KCNN2: variants seen among roughly 807,000 people sequenced by gnomAD.
KCNN2 encodes small conductance calcium-activated potassium channel protein 2.
Under a neutral mutation model 55.5 loss-of-function variants are expected in KCNN2, and 24 were observed. That is an observed-to-expected ratio of 0.43 (90% confidence interval 0.31 to 0.61). KCNN2 has a LOEUF of 0.61. Ranked by LOEUF, KCNN2 falls within the 20% of genes least tolerant of loss-of-function variation. KCNN2 has a pLI of 0.08. For missense variants in KCNN2, 754 were observed against 853.6 expected (o/e 0.88, Z 1.45); for synonymous variants, 431 against 336.1 (o/e 1.28, Z -3.09).
At chr5:114,376,023 C>G (rs1757926507) in intron 2 of KCNN2, among the ~76,000 whole-genome samples, 1 of 128,950 alleles carries the variant, frequency 7.8e-6, no homozygotes, top group African/African-American at 2.9e-5. Context: ...TCTCTTTTAA[C>G]CTTTTTGACA....
intron 1 of KCNN2, among the ~76,000 whole-genome samples, chr5:114,140,277 A>G (rs1752250128): frequency 6.6e-6 from 1 of 152,226 alleles, no homozygotes; most frequent in Non-Finnish European, 1.5e-5. Flanking sequence ...TACGAGGTTT[A>G]TTATCAAGTA....
At chr5:114,350,148 A>T (rs1757181910) in intron 2 of KCNN2, among the ~76,000 whole-genome samples, 1 of 151,972 alleles carries the variant, frequency 6.6e-6, no homozygotes. Flanking sequence ...AGAATTGTAC[A>T]TATTTATAGG....
chr5:114,160,943 C>G (rs966247108), intron 1 of KCNN2, among the ~76,000 whole-genome samples: 54 of 152,206 alleles, frequency 3.5e-4, no homozygotes, highest in African/African-American at 1.2e-3. Flanking sequence ...ACTGATGGGT[C>G]TTGACTCTTT....
intron 2 of KCNN2, among the ~76,000 whole-genome samples, chr5:114,342,928 G>T (rs1318152409): frequency 6.6e-6 from 1 of 152,118 alleles, no homozygotes; most frequent in Non-Finnish European, 1.5e-5. Flanking sequence ...TGCCATGGTG[G>T]TTTGCCGTAC....
chr5:114,070,034 T>C (rs1426492918), intron 1 of KCNN2, among the ~76,000 whole-genome samples: 2 of 152,226 alleles, frequency 1.3e-5, no homozygotes. Context: ...TTACATCGCA[T>C]CCAGATACCT....
intron 1 of KCNN2, among the ~76,000 whole-genome samples, chr5:114,183,684 T>C (rs1753278740): frequency 6.6e-6 from 1 of 152,032 alleles, no homozygotes. Flanking sequence ...TCTGTATTTA[T>C]ATAAGTCCTT....
At chr5:114,194,531 T>G (rs1377313041) in intron 1 of KCNN2, among the ~76,000 whole-genome samples, 1 of 152,116 alleles carries the variant, frequency 6.6e-6, no homozygotes, top group East Asian at 1.9e-4. Context: ...TCTTTGCCTA[T>G]TTTTAAATTG....
intron 2 of KCNN2, among the ~76,000 whole-genome samples, chr5:114,267,702 A>G (rs1365501767): frequency 6.6e-6 from 1 of 152,198 alleles, no homozygotes; most frequent in Non-Finnish European, 1.5e-5. Flanking sequence ...TTATTTTCCC[A>G]GAGGAAAATA....
chr5:114,475,630 A>C (rs1447463855), intron 5 of KCNN2, among the ~76,000 whole-genome samples: 1 of 151,952 alleles, frequency 6.6e-6, no homozygotes, highest in African/African-American at 2.4e-5. Context: ...TATTCCAAAG[A>C]TTTTAAGCTT....
chr5:114,249,658 C>A (rs1754819599), intron 2 of KCNN2, among the ~76,000 whole-genome samples: 1 of 148,194 alleles, frequency 6.7e-6, no homozygotes, highest in Admixed American at 6.7e-5. Flanking sequence ...AAAATAAATC[C>A]AAACTATTAA....
At chr5:114,485,251 C>A (rs1762394250) in intron 5 of KCNN2, among the ~76,000 whole-genome samples, 1 of 152,124 alleles carries the variant, frequency 6.6e-6, no homozygotes. Context: ...CTAGGCTTCT[C>A]CTCTATGCCT....
At chr5:114,072,778 C>T (rs888476495) in intron 1 of KCNN2, among the ~76,000 whole-genome samples, 2 of 152,076 alleles carry the variant, frequency 1.3e-5, no homozygotes, top group Non-Finnish European at 2.9e-5. Flanking sequence ...TTTCTCTGTG[C>T]CTCAGTTTAT....
intron 1 of KCNN2, among the ~76,000 whole-genome samples, chr5:114,142,056 A>C (rs1466906435): frequency 6.6e-6 from 1 of 152,098 alleles, no homozygotes; most frequent in Non-Finnish European, 1.5e-5. Context: ...AGTAGATTGC[A>C]AAAAATTTCT....
intron 1 of KCNN2, among the ~76,000 whole-genome samples, chr5:114,202,691 A>G (rs903663011): frequency 1.4e-5 from 2 of 146,884 alleles, no homozygotes; most frequent in Non-Finnish European, 3.0e-5. Flanking sequence ...GGTTCACGCC[A>G]TTCTCCTGCC....
At chr5:114,454,287 T>C (rs1171395117) in intron 3 of KCNN2, among the ~76,000 whole-genome samples, 1 of 152,162 alleles carries the variant, frequency 6.6e-6, no homozygotes, top group Non-Finnish European at 1.5e-5. Flanking sequence ...TCCCTTCCTT[T>C]CTTTCTTCCT....
rs547671826 is a variant in KCNN2 at position 114,211,255 on chromosome 5, G to C, written c.-270-10225G>C. On this transcript the variant is annotated intron_variant, in intron 1 of 10. Transcript: ENST00000512097. ...AAATTGTTCTGTCATAAAAACACAT[G>C]CACAAGTATGTTCACTGCAGCAATA... Among the ~76,000 whole-genome samples the C allele has an allele frequency of 8.5e-5, 13 of 152,204 alleles. 1 individual carries two copies. In the South Asian group the frequency reaches 2.7e-3, roughly 32 times the overall value.
chr5:114,200,266 G>A (rs996188167), intron 1 of KCNN2, among the ~76,000 whole-genome samples: 7 of 151,506 alleles, frequency 4.6e-5, no homozygotes, highest in African/African-American at 1.5e-4. Flanking sequence ...TTCTGAGATT[G>A]TTTCTTCCAC....
intron 1 of KCNN2, among the ~76,000 whole-genome samples, chr5:114,150,787 T>G (rs1410923691): frequency 3.3e-5 from 5 of 152,148 alleles, no homozygotes; most frequent in Admixed American, 6.6e-5. Flanking sequence ...TTTGGAAGGC[T>G]GAAGCAGGCA....
intron 2 of KCNN2, among the ~76,000 whole-genome samples, chr5:114,239,464 AT>A (rs1754575211): frequency 6.6e-6 from 1 of 152,188 alleles, no homozygotes; most frequent in South Asian, 2.1e-4. Context: ...GGAAAGTACT[AT>A]TTTATTTCCT....
Sources: allele counts gnomAD v4.1 joint callset (sites outside exome capture counted in the v4.1 genomes callset), GRCh38; gene constraint gnomAD v4.1.1; transcripts MANE v1.5; gene names NCBI Gene and HGNC (gene_info 2026-07-23, HGNC 2026-07-21).